HS2ST1: variants seen among roughly 807,000 people sequenced by gnomAD.
HS2ST1 encodes heparan sulfate 2-O-sulfotransferase 1, also known as 2-O-sulfotransferase.
Under a neutral mutation model 42.9 loss-of-function variants are expected in HS2ST1, and 18 were observed. The observed-to-expected ratio is 0.42, with a 90% CI of 0.29 to 0.62. The LOEUF is 0.62. Ranked by LOEUF, HS2ST1 falls within the 20% of genes least tolerant of loss-of-function variation. The probability of loss-of-function intolerance (pLI) is 0.21; values close to 1 mark genes in which losing one functional copy is unlikely to be tolerated. For synonymous variants in HS2ST1, 146 were observed against 152.9 expected, an observed-to-expected ratio of 0.95 and a Z score of 0.33; for missense variants, 334 against 433.8, an observed-to-expected ratio of 0.77 and a Z score of 2.04.
rs1652332819 is a variant in HS2ST1, at chr1:87,106,799, C to T, written c.*2103C>T. 1.3e-5 allele frequency: 2 copies of T among 152,106 alleles called. No individual in the cohort carries two copies. The highest frequency in any genetic ancestry group is 2.1e-4 in the South Asian group (1 of 4,832). 9.4% of individuals were successfully genotyped at this position (152,106 alleles called of 1,614,324 possible). ...CACTTCAAGGTGTGGTTTGACATTA[C>T]ATGCTAATGAACAAACCCAGTATGC... On this transcript the variant is annotated 3_prime_UTR_variant, in exon 7 of 7. Coordinates refer to ENST00000370550, the MANE Select transcript of HS2ST1 (RefSeq NM_012262.4).
chr1:86,917,714 C>T (rs1035423469), intron 1 of HS2ST1, among the ~76,000 whole-genome samples: 2 of 152,132 alleles, frequency 1.3e-5, no homozygotes, highest in African/African-American at 2.4e-5. Context: ...ATTGACATTA[C>T]GCTGAGATTT....
At chr1:87,096,136 A>G (rs1652061569) in intron 4 of HS2ST1, among the ~76,000 whole-genome samples, 1 of 152,136 alleles carries the variant, frequency 6.6e-6, no homozygotes, top group Non-Finnish European at 1.5e-5. Flanking sequence ...AAAAGAGAGG[A>G]TTTTAATAGC....
intron 1 of HS2ST1, among the ~76,000 whole-genome samples, chr1:87,035,150 C>T (rs1329768875): frequency 6.6e-6 from 1 of 152,114 alleles, no homozygotes; most frequent in Admixed American, 6.5e-5. Context: ...TCTAGATCCT[C>T]CAGAAGGAAC....
chr1:86,951,001 T>G (rs570374255), intron 1 of HS2ST1, among the ~76,000 whole-genome samples: 1 of 151,882 alleles, frequency 6.6e-6, no homozygotes, highest in Non-Finnish European at 1.5e-5. Context: ...TCTGATAGAG[T>G]GTTCAGTTGG....
intron 1 of HS2ST1, among the ~76,000 whole-genome samples, chr1:86,983,199 A>G (rs993975943): frequency 6.6e-6 from 1 of 152,168 alleles, no homozygotes; most frequent in Non-Finnish European, 1.5e-5. Context: ...TCACTTTCAC[A>G]TGATCTCTAT....
At chr1:86,975,258 GT>G (rs1648363990) in intron 1 of HS2ST1, among the ~76,000 whole-genome samples, 1 of 149,966 alleles carries the variant, frequency 6.7e-6, no homozygotes, top group Non-Finnish European at 1.5e-5. Context: ...AGAGATCAGT[GT>G]TTTAAAATTA....
chr1:86,990,837 T>TATATATATATATATA (rs56384402), intron 1 of HS2ST1, among the ~76,000 whole-genome samples: 22 of 17,460 alleles, frequency 1.3e-3, no homozygotes, highest in South Asian at 4.1e-3. Context: ...TATATATATA[T>TATATATATATATATA]TTTTTTTTTT....
At chr1:86,957,482 G>GT (rs911114676) in intron 1 of HS2ST1, among the ~76,000 whole-genome samples, 15 of 152,152 alleles carry the variant, frequency 9.9e-5, no homozygotes, top group Non-Finnish European at 2.1e-4. Context: ...TCCTAAGACT[G>GT]AATTGCTAAG....
chr1:87,083,725 T>A (rs1651746528), intron 2 of HS2ST1, among the ~76,000 whole-genome samples: 1 of 152,222 alleles, frequency 6.6e-6, no homozygotes, highest in Admixed American at 6.5e-5. Context: ...ATCACCTTTT[T>A]AAAAATCATT....
At chr1:86,936,820 G>A (rs1660663471) in intron 1 of HS2ST1, among the ~76,000 whole-genome samples, 2 of 151,916 alleles carry the variant, frequency 1.3e-5, no homozygotes, top group African/African-American at 4.8e-5. Context: ...GTGAATTAGG[G>A]CATGGTGGCT....
chr1:86,916,470 G>A (rs995209231), intron 1 of HS2ST1, among the ~76,000 whole-genome samples: 11 of 152,138 alleles, frequency 7.2e-5, no homozygotes, highest in African/African-American at 2.7e-4. Context: ...CTTTGCAAAA[G>A]CCTTGACATT....
At chr1:87,001,668 CA>C (rs1649285834) in intron 1 of HS2ST1, among the ~76,000 whole-genome samples, 1 of 152,188 alleles carries the variant, frequency 6.6e-6, no homozygotes, top group Non-Finnish European at 1.5e-5. Context: ...GTCGGGAGTG[CA>C]ATGGCACGAT....
intron 1 of HS2ST1, among the ~76,000 whole-genome samples, chr1:87,041,876 G>T (rs1022411958): frequency 3.9e-5 from 6 of 152,116 alleles, no homozygotes; most frequent in African/African-American, 1.4e-4. Context: ...CATATTGGCT[G>T]TTGTGTACAA....
At chr1:87,080,125 G>A (rs1651647888) in intron 2 of HS2ST1, among the ~76,000 whole-genome samples, 1 of 152,142 alleles carries the variant, frequency 6.6e-6, no homozygotes, top group African/African-American at 2.4e-5. Context: ...AGATAGCATG[G>A]ATTTAGGAAG....
intron 1 of HS2ST1, chr1:87,045,937 G>A: frequency 2.8e-6 from 2 of 708,198 alleles, no homozygotes; most frequent in Non-Finnish European, 5.3e-6. Flanking sequence ...GATTGATCTG[G>A]TTACTATTGA....
intron 1 of HS2ST1, among the ~76,000 whole-genome samples, chr1:86,968,570 G>GT (rs148119068): frequency 0.14 from 21,064 of 151,552 alleles, 1,567 homozygotes; most frequent in African/African-American, 0.19. Flanking sequence ...AGGCCCAGCT[G>GT]TTTTTTTGAC....
intron 4 of HS2ST1, among the ~76,000 whole-genome samples, chr1:87,092,888 A>G (rs1244964534): frequency 6.6e-6 from 1 of 151,944 alleles, no homozygotes; most frequent in Non-Finnish European, 1.5e-5. Flanking sequence ...TTTCTTTTCC[A>G]GGGCGGAATC....
intron 1 of HS2ST1, among the ~76,000 whole-genome samples, chr1:86,957,528 C>T (rs1261000394): frequency 6.6e-6 from 1 of 152,082 alleles, no homozygotes; most frequent in Admixed American, 6.6e-5. Context: ...CTTTTTACTT[C>T]CTAATCCCCA....
At chr1:87,104,187 A>G (rs1436352424) in intron 6 of HS2ST1, among the ~76,000 whole-genome samples, 2 of 152,182 alleles carry the variant, frequency 1.3e-5, no homozygotes, top group African/African-American at 4.8e-5. Context: ...ACTTGAGAAT[A>G]TAGTGTGTGA....
Sources: allele counts gnomAD v4.1 joint callset (sites outside exome capture counted in the v4.1 genomes callset), GRCh38; gene constraint gnomAD v4.1.1; transcripts MANE v1.5; gene names NCBI Gene and HGNC (gene_info 2026-07-23, HGNC 2026-07-21).